The following PTPN11 variants were observed in gnomAD, a reference collection of about 807,000 sequenced individuals.
PTPN11 encodes the protein tyrosine-protein phosphatase non-receptor type 11.
In PTPN11, 6 loss-of-function variants were observed where a neutral mutation model predicts 78.8. The ratio of observed to expected loss-of-function variants is 0.08; its 90% CI spans 0.04 to 0.15. PTPN11 has a LOEUF of 0.15. Ranked by LOEUF, PTPN11 falls within the 10% of genes least tolerant of loss-of-function variation. PTPN11 has a pLI of 1.00. For missense variants in PTPN11, 386 were observed against 744.8 expected (o/e 0.52, Z 5.61); for synonymous variants, 221 against 263.5 (o/e 0.84, Z 1.56).
In PTPN11 at chr12:112,449,106, C is replaced by T. The variant is rs185700918; in HGVS notation, c.138-1212C>T. On this transcript the variant is annotated intron_variant, in intron 2 of 15. Coordinates refer to ENST00000351677, the MANE Select transcript of PTPN11 (RefSeq NM_002834.5). ...TTCACCATGTTGGCCAGGCTGGTAT[C>T]GGTCTGCTGACCTCAGGTGATCCTC... Among the ~76,000 whole-genome samples, 41 of 150,460 alleles carry T rather than the reference C, an allele frequency of 2.7e-4. No individual in the cohort carries two copies. The South Asian group carries it at 3.3e-3, about 12-fold the overall frequency.
chr12:112,433,434 T>A (rs2037742831), intron 1 of PTPN11, among the ~76,000 whole-genome samples: 1 of 152,232 alleles, frequency 6.6e-6, no homozygotes, highest in Admixed American at 6.6e-5. Flanking sequence ...AACATATTCC[T>A]GTTGTTAAGC....
chr12:112,468,482 C>A (rs2135888820), intron 6 of PTPN11, among the ~76,000 whole-genome samples: 1 of 152,330 alleles, frequency 6.6e-6, no homozygotes. Flanking sequence ...TGGATGGCAT[C>A]TTCTGCTATG....
chr12:112,437,872 T>C (rs2037818734), intron 1 of PTPN11, among the ~76,000 whole-genome samples: 1 of 152,190 alleles, frequency 6.6e-6, no homozygotes, highest in South Asian at 2.1e-4. Flanking sequence ...AGGCTCCCTC[T>C]ATTTTTTTTA....
At chr12:112,464,502 G>A (rs927393777) in intron 6 of PTPN11, among the ~76,000 whole-genome samples, 1 of 151,148 alleles carries the variant, frequency 6.6e-6, no homozygotes, top group African/African-American at 2.4e-5. Flanking sequence ...AGGTGTGATA[G>A]CTCACTGCAA....
chr12:112,475,391 C>T (rs1206622310), intron 7 of PTPN11, among the ~76,000 whole-genome samples: 1 of 151,992 alleles, frequency 6.6e-6, no homozygotes, highest in East Asian at 1.9e-4. Flanking sequence ...AGATTGATTG[C>T]AGGGAGTGCA....
In PTPN11 at chr12:112,456,069, T is replaced by C. The variant is rs2038155205; in HGVS notation, c.756+6T>C. The stretch of plus-strand genomic sequence containing the variant: ...GCTTTTGGGAAGAATTTGAGGTAAG[T>C]TATTAAAAAACTGTTTTTACGTGAG... On this transcript the variant is annotated splice_donor_region_variant and intron_variant, in intron 6 of 15. Transcript: ENST00000351677. 1 of 1,575,078 alleles carries C rather than the reference T, an allele frequency of 6.3e-7. No homozygotes were observed. Among genetic ancestry groups the C allele is most frequent in the Non-Finnish European group, 8.7e-7 (1 of 1,144,754 alleles).
Position 112,494,325 on chromosome 12 carries a change from C to T in PTPN11, c.1599+5150C>T, listed in dbSNP as rs187738971. 3.6e-3 allele frequency among the ~76,000 whole-genome samples: 555 copies of T among 152,320 alleles called. 7 individuals are homozygous for T. Among genetic ancestry groups the T allele is most frequent in the South Asian group, 0.022 (106 of 4,832 alleles). On this transcript the variant is annotated intron_variant, in intron 13 of 15. Coordinates refer to ENST00000351677, the MANE Select transcript of PTPN11 (RefSeq NM_002834.5). The stretch of plus-strand genomic sequence containing the variant: ...CATTGCCATGACCATTGTCATGTTA[C>T]TTTCCCCATATGCTTTCTTCTAGAA...
chr12:112,488,791 G>T (rs1256637335), intron 12 of PTPN11, among the ~76,000 whole-genome samples: 2 of 152,180 alleles, frequency 1.3e-5, no homozygotes, highest in African/African-American at 4.8e-5. Context: ...ACAGTATGGG[G>T]TGATTTGTTG....
At chr12:112,461,050 G>C (rs560884529) in intron 6 of PTPN11, among the ~76,000 whole-genome samples, 4 of 152,096 alleles carry the variant, frequency 2.6e-5, no homozygotes, top group Non-Finnish European at 5.9e-5. Flanking sequence ...TATATTTCTT[G>C]TAAGTTGATA....
chr12:112,423,057 A>G (rs945838216), intron 1 of PTPN11, among the ~76,000 whole-genome samples: 1 of 152,208 alleles, frequency 6.6e-6, no homozygotes, highest in Non-Finnish European at 1.5e-5. Context: ...CCAACCAAGG[A>G]TTGGAGACCC....
rs186308548 is a variant in PTPN11 at position 112,487,931 on chromosome 12, G to A, written c.1380-512G>A. ...CCCGAGTAGCTGGGATTACTGGTAC[G>A]TGACAACATGCCTGGCTAATTTTTG... On this transcript the variant is annotated intron_variant, in intron 11 of 15. Coordinates refer to ENST00000351677, the MANE Select transcript of PTPN11 (RefSeq NM_002834.5). Among the ~76,000 whole-genome samples, 140 of 152,040 alleles carry A rather than the reference G, an allele frequency of 9.2e-4. No homozygotes were observed. The Middle Eastern group carries it at 0.01, about 11-fold the overall frequency.
intron 1 of PTPN11, among the ~76,000 whole-genome samples, chr12:112,436,595 T>C (rs2037795028): frequency 6.6e-6 from 1 of 152,166 alleles, no homozygotes; most frequent in Non-Finnish European, 1.5e-5. Context: ...TGTTAGTCTT[T>C]TGGGTTGAAA....
intron 6 of PTPN11, among the ~76,000 whole-genome samples, chr12:112,467,326 CAA>C (rs1351953041): frequency 3.9e-5 from 6 of 151,992 alleles, no homozygotes; most frequent in South Asian, 2.1e-4. Context: ...TTTATAAAGA[CAA>C]GAGGTTTAAT....
At chr12:112,496,170 T>A (rs1304525539) in intron 13 of PTPN11, among the ~76,000 whole-genome samples, 1 of 152,216 alleles carries the variant, frequency 6.6e-6, no homozygotes, top group Non-Finnish European at 1.5e-5. Context: ...TACTTTGGGT[T>A]ATAATCTATT....
At chr12:112,488,383 T>C in intron 11 of PTPN11, 60 bp from the exon 12 acceptor site, 1 of 1,370,930 alleles carries the variant, frequency 7.3e-7, no homozygotes. Context: ...GGCTTGGTTT[T>C]GAGTCTGAAA....
At chr12:112,484,954 C>T (rs2038651454) in intron 10 of PTPN11, among the ~76,000 whole-genome samples, 1 of 151,548 alleles carries the variant, frequency 6.6e-6, no homozygotes. Flanking sequence ...TGTCCTTTTA[C>T]ATCCCTTTTA....
At chr12:112,453,491 T>C (rs2135867739) in intron 4 of PTPN11, 104 bp downstream of exon 4, 1 of 698,954 alleles carries the variant, frequency 1.4e-6, no homozygotes, top group Admixed American at 2.8e-5. Flanking sequence ...GATTGTCTTT[T>C]ATTTATTTAT....
intron 2 of PTPN11, among the ~76,000 whole-genome samples, chr12:112,449,596 T>C (rs1037971277): frequency 3.3e-5 from 5 of 152,200 alleles, no homozygotes; most frequent in African/African-American, 1.2e-4. Flanking sequence ...TAGTATTCCA[T>C]TGTATGAATA....
chr12:112,420,266 G>T (rs1364159480), intron 1 of PTPN11, among the ~76,000 whole-genome samples: 1 of 151,934 alleles, frequency 6.6e-6, no homozygotes, highest in Non-Finnish European at 1.5e-5. Flanking sequence ...TTCCATGATT[G>T]TTCAATTATG....
Sources: gnomAD v4.1 joint callset for allele counts (sites outside exome capture counted in the v4.1 genomes callset) on GRCh38, gnomAD v4.1.1 for gene constraint, MANE v1.5 for transcripts, NCBI Gene and HGNC (gene_info 2026-07-23, HGNC 2026-07-21) for gene names.